IL1R2: variants seen among roughly 807,000 people sequenced by gnomAD.
IL1R2 encodes interleukin-1 receptor type 2.
Under a neutral mutation model 39.5 loss-of-function variants are expected in IL1R2, and 46 were observed. That is an observed-to-expected ratio of 1.16 (90% CI 0.92 to 1.49). The LOEUF (loss-of-function observed/expected upper bound fraction) is 1.49. IL1R2 is among the 40% of genes most tolerant of loss of function. IL1R2 has a pLI of 0.00. For missense variants in IL1R2, 537 were observed against 502.0 expected, an observed-to-expected ratio of 1.07 and a Z score of -0.67; for synonymous variants, 207 against 189.6, an observed-to-expected ratio of 1.09 and a Z score of -0.75.
At chr2:102,010,589 A>AAT (rs1232625071) in intron 3 of IL1R2, among the ~76,000 whole-genome samples, 1 of 151,864 alleles carries the variant, frequency 6.6e-6, no homozygotes, top group African/African-American at 2.4e-5. Flanking sequence ...AAAAAAAAAA[A>AAT]AAAAATTAGT....
chr2:102,009,061 A>AAAAAG (rs903614736), intron 2 of IL1R2, among the ~76,000 whole-genome samples: 1 of 151,962 alleles, frequency 6.6e-6, no homozygotes, highest in Non-Finnish European at 1.5e-5. Context: ...AAAAAAAAGA[A>AAAAAG]AAAAGAAAAG....
chr2:102,014,501 G>T (rs528470822), intron 3 of IL1R2, among the ~76,000 whole-genome samples: 266 of 152,212 alleles, frequency 1.7e-3, no homozygotes, highest in African/African-American at 5.2e-3. Context: ...TTAACATTCT[G>T]TATTTCTTTA....
intron 1 of IL1R2, among the ~76,000 whole-genome samples, chr2:101,993,181 C>T (rs1445057908): frequency 2.0e-5 from 3 of 152,080 alleles, no homozygotes; most frequent in African/African-American, 7.2e-5. Flanking sequence ...TGTGGATTCT[C>T]TAATGCCTGG....
intron 1 of IL1R2, among the ~76,000 whole-genome samples, chr2:102,006,062 A>G (rs1676242742): frequency 6.6e-6 from 1 of 152,220 alleles, no homozygotes; most frequent in Non-Finnish European, 1.5e-5. Context: ...AGCTATTGTT[A>G]TACACTAGTC....
intron 3 of IL1R2, among the ~76,000 whole-genome samples, chr2:102,012,512 G>A (rs1355198018): frequency 6.6e-6 from 1 of 151,808 alleles, no homozygotes; most frequent in Non-Finnish European, 1.5e-5. Flanking sequence ...GGGGGTGGGA[G>A]GAGATATGAG....
intron 4 of IL1R2, among the ~76,000 whole-genome samples, chr2:102,018,599 C>T (rs3218934): frequency 0.23 from 34,361 of 152,158 alleles, 4,722 homozygotes; most frequent in Non-Finnish European, 0.27. Context: ...CCTATTACTG[C>T]GCATGTACTA....
intron 5 of IL1R2, 71 bp downstream of exon 5, chr2:102,019,883 G>A (rs1677256592): frequency 2.2e-6 from 3 of 1,338,068 alleles, no homozygotes; most frequent in Non-Finnish European, 3.1e-6. Flanking sequence ...AAATGACGGT[G>A]CACGTAGAAT....
In IL1R2 at chr2:102,008,701, T is replaced by C. The variant is rs375963949; in HGVS notation, c.67+59T>C. 2.9e-4 allele frequency: 409 copies of C among 1,419,804 alleles called. 1 individual carries two copies. The highest frequency in any genetic ancestry group is 1.6e-4 in the Non-Finnish European group (157 of 1,003,452). The allele number at this position is 1,419,804 out of a possible 1,614,324, so 88.0% of individuals were successfully genotyped here. A position where few individuals can be genotyped will look rare whatever the true frequency, so the allele number is the denominator to read the frequency against. ...TGCCTGTAGCTTCGCTGGGGAAAGA[T>C]GTTATCTAGAGAAGTTTCCTTGTCA... On this transcript the variant is annotated intron_variant, in intron 2 of 8. Coordinates refer to ENST00000332549, the MANE Select transcript of IL1R2 (RefSeq NM_004633.4).
chr2:102,015,959 A>T lies in IL1R2; in HGVS notation c.421A>T (p.Ile141Phe). 1.2e-6 allele frequency: 2 copies of T among 1,613,884 alleles called. No homozygotes were observed. The highest frequency in any genetic ancestry group is 1.7e-6 in the Non-Finnish European group (2 of 1,179,864). Residue 141 changes from isoleucine (I) to phenylalanine (F), a missense_variant, in exon 4 of 9, where the codon ATT becomes TTT. Ile to Phe is a conservative substitution (Grantham distance 21). Coordinates refer to ENST00000332549, the MANE Select transcript of IL1R2 (RefSeq NM_004633.4). Reference protein sequence around the residue: ...AFLPFISYPQILTLSTSGVLV... With the variant: ...AFLPFISYPQFLTLSTSGVLV... Reference sequence around the variant, plus strand: ...CCTGCCGTTCATCTCATACCCGCAAATTTTAACCTTGTCAACCTCTGGGGT... The same window carrying T: ...CCTGCCGTTCATCTCATACCCGCAATTTTTAACCTTGTCAACCTCTGGGGT...
chr2:102,024,449 C>A, intron 6 of IL1R2, 84 bp from the exon 7 acceptor site: 1 of 949,924 alleles, frequency 1.1e-6, no homozygotes, highest in South Asian at 1.3e-5. Flanking sequence ...TTTGAGAAGC[C>A]GAGGAGGGAC....
rs201561547 is a variant in IL1R2 at position 102,028,278 on chromosome 2, C to T, written c.1083C>T (p.Phe361=). ...TGCTGGCCCCACTTTCACTGGCCTTCTTGGTTTTGGGGGGAATATGGATGC... is the reference window on the plus strand; with the variant it reads ...TGCTGGCCCCACTTTCACTGGCCTTTTTGGTTTTGGGGGGAATATGGATGC... The part of the protein sequence containing the change: ...GIVLAPLSLA[F]LVLGGIWMHR... The change falls in exon 9 of 9, where the codon TTC becomes TTT. Residue 361 remains phenylalanine (F), a synonymous_variant. Transcript: ENST00000332549. The T allele has an allele frequency of 1.4e-5, 23 of 1,612,708 alleles. No individual in the cohort carries two copies. In the East Asian group the frequency reaches 5.1e-4, roughly 36 times the overall value.
chr2:102,014,716 T>C (rs957937488), intron 3 of IL1R2, among the ~76,000 whole-genome samples: 12 of 152,050 alleles, frequency 7.9e-5, no homozygotes, highest in African/African-American at 2.4e-4. Context: ...TACCCCTATA[T>C]GTAAAACTCG....
chr2:102,023,882 C>T (rs1677549057), intron 6 of IL1R2, among the ~76,000 whole-genome samples: 1 of 151,474 alleles, frequency 6.6e-6, no homozygotes, highest in African/African-American at 2.4e-5. Context: ...CCCATCTCTA[C>T]TAAAAAATAC....
At chr2:102,020,381 A>G (rs1357236319) in intron 5 of IL1R2, among the ~76,000 whole-genome samples, 1 of 152,146 alleles carries the variant, frequency 6.6e-6, no homozygotes, top group Non-Finnish European at 1.5e-5. Context: ...CTATTGTTTC[A>G]CATTTGTTCA....
intron 1 of IL1R2, among the ~76,000 whole-genome samples, chr2:102,002,504 T>TGTGTCC (rs747943053): frequency 1.0e-3 from 140 of 140,228 alleles, no homozygotes; most frequent in Admixed American, 3.0e-3. Flanking sequence ...TGTCCGTGTC[T>TGTGTCC]GTGTCTGTGT....
intron 7 of IL1R2, among the ~76,000 whole-genome samples, chr2:102,025,254 T>G (rs751377286): frequency 6.6e-6 from 1 of 152,252 alleles, no homozygotes; most frequent in South Asian, 2.1e-4. Flanking sequence ...CATTCCAAAT[T>G]GTAACTCTTT....
At chr2:102,019,107 C>G (rs945884869) in intron 4 of IL1R2, among the ~76,000 whole-genome samples, 1 of 152,140 alleles carries the variant, frequency 6.6e-6, no homozygotes, top group Non-Finnish European at 1.5e-5. Context: ...TCTGCAGAGA[C>G]CCCAGAGAAC....
chr2:101,996,355 GC>G (rs1675586146), intron 1 of IL1R2, among the ~76,000 whole-genome samples: 1 of 152,138 alleles, frequency 6.6e-6, no homozygotes, highest in Non-Finnish European at 1.5e-5. Flanking sequence ...TTCCTCTGGG[GC>G]TTTTTGGGTC....
chr2:102,009,418 T>A (rs2236930), intron 2 of IL1R2, 144 bp from the exon 3 acceptor site: 132,810 of 925,910 alleles, frequency 0.14, 12,050 homozygotes, highest in East Asian at 0.35. Context: ...GGTGTAGGTC[T>A]TTTTGTTAGG....
Sources: gnomAD v4.1 joint callset for allele counts (sites outside exome capture counted in the v4.1 genomes callset) on GRCh38, gnomAD v4.1.1 for gene constraint, MANE v1.5 for transcripts, NCBI Gene and HGNC (gene_info 2026-07-23, HGNC 2026-07-21) for gene names.